KLHL5: variants seen among roughly 807,000 people sequenced by gnomAD.
The protein encoded by KLHL5 is kelch-like protein 5.
Under a neutral mutation model 77.7 loss-of-function variants are expected in KLHL5, and 48 were observed. That is an observed-to-expected ratio of 0.62 (90% CI 0.49 to 0.79). The LOEUF (loss-of-function observed/expected upper bound fraction) is 0.79, where lower values mean the gene tolerates loss of function less well. Among genes scored for constraint, KLHL5 ranks in the 30% least tolerant of loss-of-function variants. The pLI is 0.00. For synonymous variants in KLHL5, 260 were observed against 297.0 expected, an observed-to-expected ratio of 0.88 and a Z score of 1.28; for missense variants, 723 against 859.7, an observed-to-expected ratio of 0.84 and a Z score of 1.99.
rs1717536904 is a variant in KLHL5, at chr4:39,062,673, G to A, written c.21G>A (p.Glu7=). 1.2e-6 allele frequency: 2 copies of A among 1,614,006 alleles called. No individual in the cohort carries two copies. Among genetic ancestry groups the A allele is most frequent in the African/African-American group, 1.3e-5 (1 of 74,914 alleles). ...TGAGGATGTCTGGTTCTCGTAAAGA[G>A]TTTGATGTGAAACAGATTTTGAAAA... The part of the protein sequence containing the change: MSGSRK[E]FDVKQILKIR... Residue 7 remains glutamate, a synonymous_variant, in exon 1 of 11, where the codon GAG becomes GAA. Coordinates refer to ENST00000504108, the MANE Select transcript of KLHL5 (RefSeq NM_015990.5).
At chr4:39,103,658 G>T in intron 7 of KLHL5, 147 bp downstream of exon 7, 1 of 661,462 alleles carries the variant, frequency 1.5e-6, no homozygotes, top group Non-Finnish European at 2.6e-6. Flanking sequence ...AAAGAATTTG[G>T]TAGGTCATCA....
At chr4:39,101,132 A>ATATATATCTATATCTATATCTATATC (rs1721505536) in intron 6 of KLHL5, among the ~76,000 whole-genome samples, 2 of 147,650 alleles carry the variant, frequency 1.4e-5, no homozygotes, top group African/African-American at 4.9e-5. Context: ...GATTTTATAT[A>ATATATATCTATATCTATATCTATATC]TATATATATA....
intron 7 of KLHL5, among the ~76,000 whole-genome samples, chr4:39,105,690 T>A (rs1721973470): frequency 6.6e-6 from 1 of 151,156 alleles, no homozygotes; most frequent in South Asian, 2.1e-4. Flanking sequence ...TACATATAAA[T>A]AACATGCATG....
the KLHL5 span, among the ~76,000 whole-genome samples, chr4:39,139,631 T>C: frequency 1.3e-5 from 2 of 152,108 alleles, no homozygotes; most frequent in Admixed American, 6.5e-5. Context: ...AGGCTATGCA[T>C]GTGTAAGGCA....
At chr4:39,137,626 A>G in the KLHL5 span, among the ~76,000 whole-genome samples, 31 of 152,148 alleles carry the variant, frequency 2.0e-4, no homozygotes, top group Non-Finnish European at 4.1e-4. Context: ...TCTCAAACAA[A>G]AACAAACAAA....
At position 39,063,152 on chromosome 4, in the gene KLHL5, T is replaced by C. The variant is rs558837197; in HGVS notation, c.383+117T>C. On this transcript the variant is annotated intron_variant, in intron 1 of 10. Transcript: ENST00000504108. Reference sequence around the variant, plus strand: ...TTATATATGTACATCTGCATACATATATATAATATCTTGGTATGAACATGT... The same window carrying C: ...TTATATATGTACATCTGCATACATACATATAATATCTTGGTATGAACATGT... The C allele has an allele frequency of 4.6e-5, 31 of 676,034 alleles. 1 individual carries two copies. The Middle Eastern group carries it at 3.0e-3, about 65-fold the overall frequency. 41.9% of individuals were successfully genotyped at this position (676,034 alleles called of 1,614,324 possible).
chr4:39,069,701 A>G (rs1198935386), intron 1 of KLHL5, among the ~76,000 whole-genome samples: 1 of 151,976 alleles, frequency 6.6e-6, no homozygotes, highest in East Asian at 1.9e-4. Flanking sequence ...ATACGTGTAT[A>G]ATGTGTTTTT....
chr4:39,115,948 G>A, intron 10 of KLHL5: 1 of 987,622 alleles, frequency 1.0e-6, no homozygotes, highest in Non-Finnish European at 1.2e-6. Context: ...GTGTCACCCA[G>A]TTCAGTACTT....
Position 39,121,181 on chromosome 4 carries a change from A to T in KLHL5, c.*115A>T. On this transcript the variant is annotated 3_prime_UTR_variant, in exon 11 of 11. Transcript: ENST00000504108. ...TGCATTGTCACAATCCTGGGCACAA[A>T]GTGCCTGATGTCAAAATGAAGATAG... 1 of 801,624 alleles carries T rather than the reference A, an allele frequency of 1.2e-6. No homozygotes were observed. Among genetic ancestry groups the T allele is most frequent in the Non-Finnish European group, 2.1e-6 (1 of 477,714 alleles). The allele number at this position is 801,624 out of a possible 1,614,324, so 49.7% of individuals were successfully genotyped here. A position where few individuals can be genotyped will look rare whatever the true frequency, so the allele number is the denominator to read the frequency against.
In KLHL5 at chr4:39,103,446, G is replaced by A; in HGVS notation, c.1460G>A (p.Cys487Tyr). 6.2e-7 allele frequency: 1 copy of A among 1,614,154 alleles called. No homozygotes were observed. Among genetic ancestry groups the A allele is most frequent in the South Asian group, 1.1e-5 (1 of 91,086 alleles). The change falls in exon 7 of 11, where the codon TGC becomes TAC. Residue 487 changes from cysteine (C) to tyrosine (Y), a missense_variant. Cys to Tyr is a radical substitution (Grantham distance 194, BLOSUM62 -2). Transcript: ENST00000504108. ...CTGAAGACTTTGAATACTGTAGAGT[G>A]CTACAACCCCAAAACAAAAACTTGG... ...DGLKTLNTVE[C>Y]YNPKTKTWSV...
In KLHL5 at chr4:39,124,207, CT is replaced by C. The variant is rs920839101; in HGVS notation, c.*3143del. ...CATCCTGTGCTGGCAGGTTGGAAGA[CT>C]TAACATTGTTAAGATGGCATTACTC... On this transcript the variant is annotated 3_prime_UTR_variant, in exon 11 of 11. Transcript: ENST00000504108. Among the ~76,000 whole-genome samples, 1 of 152,140 alleles carries C rather than the reference CT, an allele frequency of 6.6e-6. No individual in the cohort carries two copies. The highest frequency in any genetic ancestry group is 2.4e-5 in the African/African-American group (1 of 41,432).
intron 1 of KLHL5, among the ~76,000 whole-genome samples, chr4:39,068,646 G>A (rs1249601213): frequency 6.6e-6 from 1 of 152,144 alleles, no homozygotes; most frequent in Non-Finnish European, 1.5e-5. Context: ...ATTGGCATAC[G>A]AAAAGGATAG....
At chr4:39,076,799 GT>G (rs1206731211) in intron 2 of KLHL5, among the ~76,000 whole-genome samples, 106 of 147,144 alleles carry the variant, frequency 7.2e-4, no homozygotes, top group African/African-American at 2.6e-3. Flanking sequence ...TGTCCCAAAG[GT>G]TTTTTTTAAA....
chr4:39,114,834 A>G (rs2109585998), intron 9 of KLHL5, among the ~76,000 whole-genome samples: 1 of 152,312 alleles, frequency 6.6e-6, no homozygotes, highest in East Asian at 1.9e-4. Context: ...GGACAGCTAC[A>G]ATGATTGAGG....
intron 1 of KLHL5, among the ~76,000 whole-genome samples, chr4:39,052,008 C>T (rs1477892841): frequency 6.6e-6 from 1 of 152,182 alleles, no homozygotes; most frequent in African/African-American, 2.4e-5. Flanking sequence ...TTAACTGAAG[C>T]TTAACTCTAC....
rs981516233 is a variant in KLHL5, at chr4:39,122,148, ATT to A, written c.*1083_*1084del. The A allele has an allele frequency of 8.5e-5, 13 of 152,720 alleles. No individual in the cohort carries two copies. The highest frequency in any genetic ancestry group is 7.8e-4 in the Admixed American group (12 of 15,302). The allele number at this position is 152,720 out of a possible 1,614,324, so 9.5% of individuals were successfully genotyped here. On this transcript the variant is annotated 3_prime_UTR_variant, in exon 11 of 11. Coordinates refer to ENST00000504108, the MANE Select transcript of KLHL5 (RefSeq NM_015990.5). Reference sequence around the variant, plus strand: ...ATGTTATTACTCTCAGTGAATTGTTATTGTTTGCAAAAATGCACTGGGCAGTA... The same window carrying A: ...ATGTTATTACTCTCAGTGAATTGTTAGTTTGCAAAAATGCACTGGGCAGTA...
rs148972266 is a variant in KLHL5 at position 39,125,071 on chromosome 4, A to G, written c.*4005A>G. 2.8e-3 allele frequency among the ~76,000 whole-genome samples: 425 copies of G among 152,224 alleles called. 1 individual carries two copies. The highest frequency in any genetic ancestry group is 4.6e-3 in the Non-Finnish European group (311 of 68,000). ...CCGACAAGCACATGGAAAGCACTCA[A>G]CCTCATCAGTCATTATGCAAATCAG... On this transcript the variant is annotated 3_prime_UTR_variant, in exon 11 of 11. Coordinates refer to ENST00000504108, the MANE Select transcript of KLHL5 (RefSeq NM_015990.5).
At chr4:39,093,016 A>G (rs1720731124) in intron 5 of KLHL5, 1 of 445,042 alleles carries the variant, frequency 2.2e-6, no homozygotes, top group Admixed American at 2.5e-5. Context: ...ATAATTACCC[A>G]AGAGAAATAT....
chr4:39,097,218 G>T (rs1008472231), intron 6 of KLHL5, among the ~76,000 whole-genome samples: 1 of 152,146 alleles, frequency 6.6e-6, no homozygotes, highest in African/African-American at 2.4e-5. Context: ...AAGGGAGAAA[G>T]GAAAGCTCTT....
Sources: allele counts gnomAD v4.1 joint callset (sites outside exome capture counted in the v4.1 genomes callset), GRCh38; gene constraint gnomAD v4.1.1; transcripts MANE v1.5; gene names NCBI Gene and HGNC (gene_info 2026-07-23, HGNC 2026-07-21).